Variants in ESRRG observed in about 807,000 individuals in gnomAD.
ESRRG encodes estrogen related receptor gamma, also known as estrogen-related receptor gamma.
A neutral mutation model predicts 44.0 loss-of-function variants in ESRRG; 13 were observed. That is an observed-to-expected ratio of 0.30 (90% CI 0.19 to 0.47). The LOEUF (loss-of-function observed/expected upper bound fraction) is 0.47, where lower values mean the gene tolerates loss of function less well. ESRRG is among the 20% of genes least tolerant of loss of function. The pLI is 1.00. For missense variants in ESRRG, 395 were observed against 580.6 expected (o/e 0.68, Z 3.29); for synonymous variants, 215 against 214.6 (o/e 1.00, Z -0.02).
rs559585168 is a variant in ESRRG at position 217,004,072 on chromosome 1, T to C, written c.-105-64399A>G. On this transcript the variant is annotated intron_variant, in intron 1 of 7. Coordinates refer to the ESRRG transcript ENST00000359162. Reference sequence around the variant, plus strand: ...AGTTACCAGAATCTTGATCCCAATATCTACAATATTCACCAATGCATAGAC... The same window carrying C: ...AGTTACCAGAATCTTGATCCCAATACCTACAATATTCACCAATGCATAGAC... Among the ~76,000 whole-genome samples the C allele has an allele frequency of 2.0e-5, 3 of 152,274 alleles. No homozygotes were observed. The South Asian group carries it at 6.2e-4, about 32-fold the overall frequency.
At chr1:216,554,815 A>T (rs1399463401) in intron 5 of ESRRG, among the ~76,000 whole-genome samples, 1 of 152,160 alleles carries the variant, frequency 6.6e-6, no homozygotes, top group Middle Eastern at 3.2e-3. Context: ...ACTGTGATTA[A>T]TAAGGAAAAT....
rs1391442419 is a variant in ESRRG at position 216,532,699 on chromosome 1, C to G, written c.863-13278G>C. ...CAAGAGAATTTACTCTGAGCACCAG[C>G]TCCTCCTTGAAGCACATAATCCTTT... On this transcript the variant is annotated intron_variant, in intron 5 of 6. Transcript: ENST00000408911. 2.0e-5 allele frequency among the ~76,000 whole-genome samples: 3 copies of G among 152,182 alleles called. 1 individual carries two copies. Among genetic ancestry groups the G allele is most frequent in the African/African-American group, 7.2e-5 (3 of 41,450 alleles).
intron 1 of ESRRG, among the ~76,000 whole-genome samples, chr1:217,107,757 T>A (rs2092615537): frequency 1.3e-5 from 2 of 152,222 alleles, no homozygotes; most frequent in South Asian, 4.1e-4. Context: ...CATACAATTA[T>A]TTAAGATGTT....
intron 6 of ESRRG, among the ~76,000 whole-genome samples, chr1:216,517,242 A>G (rs2044611900): frequency 1.3e-5 from 2 of 152,174 alleles, no homozygotes; most frequent in African/African-American, 4.8e-5. Flanking sequence ...TTCTTTAAAG[A>G]CTTTCTAATC....
upstream of ESRRG, among the ~76,000 whole-genome samples, chr1:216,725,196 C>T (rs2087245542): frequency 6.6e-6 from 1 of 152,012 alleles, no homozygotes. Context: ...AAGATATAGG[C>T]CTAATTCCTT....
At chr1:217,134,090 T>G (rs2093013207) in intron 1 of ESRRG, among the ~76,000 whole-genome samples, 1 of 152,124 alleles carries the variant, frequency 6.6e-6, no homozygotes, top group Non-Finnish European at 1.5e-5. Flanking sequence ...CCGGGCCAGA[T>G]GCGGGCGCCC....
At chr1:217,096,831 G>C (rs572789277) in intron 1 of ESRRG, among the ~76,000 whole-genome samples, 7 of 152,134 alleles carry the variant, frequency 4.6e-5, no homozygotes, top group Non-Finnish European at 8.8e-5. Flanking sequence ...TATTCCTAGT[G>C]CCTAGCACAC....
chr1:216,614,842 G>A (rs7553463), intron 3 of ESRRG, among the ~76,000 whole-genome samples: 64,595 of 152,048 alleles, frequency 0.42, 14,854 homozygotes, highest in African/African-American at 0.6. Context: ...AGCGAAGGGA[G>A]CACAGCATCT....
intron 2 of ESRRG, among the ~76,000 whole-genome samples, chr1:216,756,758 G>C (rs1272969029): frequency 6.6e-6 from 1 of 151,952 alleles, no homozygotes; most frequent in Non-Finnish European, 1.5e-5. Context: ...AATACTCTTA[G>C]TACTCTCATT....
At chr1:216,607,658 AT>A (rs202223355) in intron 3 of ESRRG, among the ~76,000 whole-genome samples, 1,957 of 151,952 alleles carry the variant, frequency 0.013, 38 homozygotes, top group African/African-American at 0.045. Context: ...TTTATTCCCT[AT>A]TTTCTCAGTG....
At chr1:216,745,651 G>T (rs923182632) in intron 2 of ESRRG, among the ~76,000 whole-genome samples, 3 of 152,138 alleles carry the variant, frequency 2.0e-5, no homozygotes, top group Non-Finnish European at 4.4e-5. Context: ...ATGCAGGCTG[G>T]TTAGCCAATT....
intron 3 of ESRRG, among the ~76,000 whole-genome samples, chr1:216,638,960 CCTTCCAAATA>C (rs1327790339): frequency 6.6e-6 from 1 of 152,168 alleles, no homozygotes; most frequent in Non-Finnish European, 1.5e-5. Context: ...AATCCACGTT[CCTTCCAAATA>C]CTTCCAAATT....
chr1:216,561,586 T>C (rs554487097), intron 5 of ESRRG, among the ~76,000 whole-genome samples: 2 of 152,282 alleles, frequency 1.3e-5, no homozygotes, highest in African/African-American at 4.8e-5. Flanking sequence ...TCAGTCCATA[T>C]AGCTGTAGTG....
intron 1 of ESRRG, among the ~76,000 whole-genome samples, chr1:216,950,551 A>G (rs1282038145): frequency 6.6e-6 from 1 of 152,218 alleles, no homozygotes. Flanking sequence ...CATCCACCAT[A>G]TAGTAGTGAA....
intron 1 of ESRRG, among the ~76,000 whole-genome samples, chr1:217,112,897 T>A (rs1209049581): frequency 6.6e-6 from 1 of 152,170 alleles, no homozygotes; most frequent in Non-Finnish European, 1.5e-5. Flanking sequence ...CAAGAGAATG[T>A]GTAAGCATCT....
chr1:216,696,294 C>G (rs1003936506), intron 1 of ESRRG, among the ~76,000 whole-genome samples: 1 of 152,078 alleles, frequency 6.6e-6, no homozygotes, highest in East Asian at 1.9e-4. Flanking sequence ...AATGCTGTAC[C>G]TCAAAGATTT....
At chr1:216,863,251 A>G (rs2096084083) in intron 2 of ESRRG, 1 of 152,098 alleles carries the variant, frequency 6.6e-6, no homozygotes, top group African/African-American at 2.4e-5. Flanking sequence ...TTTTAGAATC[A>G]CTGATATATA....
chr1:216,738,922 G>C (rs2090317440), intron 2 of ESRRG, among the ~76,000 whole-genome samples: 1 of 152,128 alleles, frequency 6.6e-6, no homozygotes, highest in Non-Finnish European at 1.5e-5. Context: ...TGCAATCATA[G>C]CTTTCTGCAG....
intron 2 of ESRRG, among the ~76,000 whole-genome samples, chr1:216,779,179 A>ATATAAATATATATTTATATT (rs1559601988): frequency 1.5e-5 from 1 of 66,050 alleles, no homozygotes; most frequent in Non-Finnish European, 2.9e-5. Context: ...ATATATAATT[A>ATATAAATATATATTTATATT]TATAAATATA....
Sources: allele counts gnomAD v4.1 joint callset (sites outside exome capture counted in the v4.1 genomes callset), GRCh38; gene constraint gnomAD v4.1.1; transcripts MANE v1.5; gene names NCBI Gene and HGNC (gene_info 2026-07-23, HGNC 2026-07-21).